The following PRKD3 variants were observed in gnomAD, a reference collection of about 807,000 sequenced individuals.
PRKD3 encodes the protein serine/threonine-protein kinase D3.
In PRKD3, 47 loss-of-function variants were observed where a neutral mutation model predicts 99.2. That is an observed-to-expected ratio of 0.47 (90% CI 0.38 to 0.60). The LOEUF (loss-of-function observed/expected upper bound fraction) is 0.60, where lower values mean the gene tolerates loss of function less well. Among genes scored for constraint, PRKD3 ranks in the 20% least tolerant of loss-of-function variants. The pLI is 0.00. For synonymous variants in PRKD3, 392 were observed against 355.4 expected (o/e 1.10, Z -1.16); for missense variants, 1,019 against 1,088.4 (o/e 0.94, Z 0.90).
At chr2:37,286,029 T>G (rs1022353116) in intron 6 of PRKD3, 148 bp downstream of exon 6, 2 of 744,122 alleles carry the variant, frequency 2.7e-6, no homozygotes, top group Non-Finnish European at 2.1e-6. Flanking sequence ...CACACACATT[T>G]ATATTTTGTT....
intron 11 of PRKD3, among the ~76,000 whole-genome samples, chr2:37,274,071 T>C (rs1669438652): frequency 6.6e-6 from 1 of 152,220 alleles, no homozygotes; most frequent in East Asian, 1.9e-4. Context: ...TGCCAAGCAC[T>C]GTTCTGTATC....
chr2:37,302,187 C>T (rs909395849), intron 2 of PRKD3, among the ~76,000 whole-genome samples: 1 of 152,206 alleles, frequency 6.6e-6, no homozygotes, highest in Non-Finnish European at 1.5e-5. Context: ...ACTAATGATA[C>T]AGCATGGTAG....
intron 2 of PRKD3, among the ~76,000 whole-genome samples, chr2:37,294,441 ATGAT>A (rs1386345748): frequency 2.0e-5 from 3 of 152,318 alleles, no homozygotes; most frequent in African/African-American, 7.2e-5. Flanking sequence ...ATTAAAAACA[ATGAT>A]TAATTAGAAA....
At chr2:37,256,462 G>T (rs538867757) in intron 17 of PRKD3, among the ~76,000 whole-genome samples, 200 bp downstream of exon 17, 1 of 152,020 alleles carries the variant, frequency 6.6e-6, no homozygotes, top group Admixed American at 6.5e-5. Flanking sequence ...CTATGCCTGG[G>T]AACTATACAG....
intron 16 of PRKD3, 42 bp downstream of exon 16, chr2:37,259,541 A>G: frequency 2.7e-6 from 4 of 1,470,658 alleles, no homozygotes; most frequent in Non-Finnish European, 3.8e-6. Flanking sequence ...TGCTTTGAAA[A>G]TGTTGCCAGA....
chr2:37,256,997 A>G (rs1668005089), intron 16 of PRKD3, 68 bp from the exon 17 acceptor site: 8 of 1,493,646 alleles, frequency 5.4e-6, no homozygotes, highest in Admixed American at 5.1e-5. Context: ...GTCCCTAAAT[A>G]TAACACTGTA....
chr2:37,269,423 A>C (rs982631595), intron 13 of PRKD3, 192 bp downstream of exon 13: 2 of 575,032 alleles, frequency 3.5e-6, no homozygotes, highest in Non-Finnish European at 6.2e-6. Flanking sequence ...GTTAATTTTT[A>C]AAGTTTGCAA....
chr2:37,260,390 G>A lies in PRKD3; in HGVS notation c.1885-6C>T. The A allele has an allele frequency of 1.2e-6, 2 of 1,607,752 alleles. No individual in the cohort carries two copies. Among genetic ancestry groups the A allele is most frequent in the Non-Finnish European group, 1.7e-6 (2 of 1,174,380 alleles). On this transcript the variant is annotated splice_polypyrimidine_tract_variant and splice_region_variant and intron_variant, in intron 14 of 18. Coordinates refer to ENST00000234179, the MANE Select transcript of PRKD3 (RefSeq NM_005813.6). ...ATCCCAGGATGGTGCAAATTCTGAA[G>A]AGAGGTTGCAAGATACATGAGCAAC...
rs368159679 is a variant in PRKD3 at position 37,269,698 on chromosome 2, A to G, written c.1705-11T>C. On this transcript the variant is annotated splice_polypyrimidine_tract_variant and intron_variant, in intron 12 of 18. Transcript: ENST00000234179. ...AACAGTACTGATATCCTGGTAGGAT[A>G]AAGTAAGGAGTTAGTATTATTTATT... The G allele has an allele frequency of 2.5e-5, 39 of 1,584,208 alleles. No homozygotes were observed. Among genetic ancestry groups the G allele is most frequent in the Non-Finnish European group, 3.0e-5 (35 of 1,154,934 alleles).
chr2:37,274,650 G>C lies in PRKD3; in HGVS notation c.1422C>G (p.Phe474Leu), dbSNP rs1278204783. 3.7e-6 allele frequency: 6 copies of C among 1,614,022 alleles called. No individual in the cohort carries two copies. Among genetic ancestry groups the C allele is most frequent in the Non-Finnish European group, 5.1e-6 (6 of 1,179,930 alleles). Reference sequence around the variant, plus strand: ...GATTGCTGCCTTGTGAAATGTTTGTGAAATCTCGTGGTGAAGATATGCGGA... The same window carrying C: ...GATTGCTGCCTTGTGAAATGTTTGTCAAATCTCGTGGTGAAGATATGCGGA... ...EILRISSPRD[F>L]TNISQGSNPH... Residue 474 changes from phenylalanine to leucine, a missense_variant, in exon 11 of 19, where the codon TTC (phenylalanine) becomes TTG (leucine). By Grantham distance (22) the Phe-to-Leu change is conservative (BLOSUM62 0). Coordinates refer to ENST00000234179, the MANE Select transcript of PRKD3 (RefSeq NM_005813.6).
intron 2 of PRKD3, among the ~76,000 whole-genome samples, chr2:37,294,203 C>G (rs1045775252): frequency 1.1e-4 from 16 of 152,110 alleles, no homozygotes; most frequent in African/African-American, 3.6e-4. Flanking sequence ...GCTCGTGATC[C>G]TCCCACCTCA....
intron 2 of PRKD3, among the ~76,000 whole-genome samples, chr2:37,303,531 G>C (rs752540265): frequency 6.6e-6 from 1 of 151,922 alleles, no homozygotes; most frequent in Non-Finnish European, 1.5e-5. Flanking sequence ...GGGGCCCTTA[G>C]GTTGAAGGGC....
intron 2 of PRKD3, among the ~76,000 whole-genome samples, chr2:37,307,145 C>G (rs1250098001): frequency 1.3e-5 from 2 of 152,168 alleles, no homozygotes; most frequent in Non-Finnish European, 2.9e-5. Flanking sequence ...AAAAACGTCT[C>G]CAGACATTGC....
chr2:37,320,423 CTTTTTTTTTTTTTT>C (rs35158902), intron 1 of PRKD3, among the ~76,000 whole-genome samples: 3 of 78,162 alleles, frequency 3.8e-5, no homozygotes, highest in South Asian at 5.1e-4. Context: ...AAGTTAACGA[CTTTTTTTTTTTTTT>C]TTTTTTTTTT....
rs559274581 is a variant in PRKD3 at position 37,285,138 on chromosome 2, A to G, written c.910+1039T>C. Among the ~76,000 whole-genome samples the G allele has an allele frequency of 3.9e-5, 6 of 152,322 alleles. No individual in the cohort carries two copies. The East Asian group carries it at 7.7e-4, about 20-fold the overall frequency. The stretch of plus-strand genomic sequence containing the variant: ...ACTGCTAATTACATGAAAAAAGTAT[A>G]TAAGATTATAGTTAGACTACTTATA... On this transcript the variant is annotated intron_variant, in intron 6 of 18. Transcript: ENST00000234179.
At chr2:37,297,585 T>C (rs1321340478) in intron 2 of PRKD3, among the ~76,000 whole-genome samples, 1 of 152,202 alleles carries the variant, frequency 6.6e-6, no homozygotes, top group Admixed American at 6.5e-5. Context: ...CACATCACCT[T>C]TAACTGTTAT....
intron 1 of PRKD3, chr2:37,324,096 C>T (rs1198199827): frequency 1.2e-6 from 1 of 868,114 alleles, no homozygotes; most frequent in South Asian, 5.3e-5. Flanking sequence ...AGGAAAACCT[C>T]CCAGGAGGGA....
intron 2 of PRKD3, among the ~76,000 whole-genome samples, chr2:37,296,928 G>A (rs546892107): frequency 5.5e-4 from 79 of 144,208 alleles, no homozygotes; most frequent in Non-Finnish European, 9.4e-4. Flanking sequence ...AAAAAATTAT[G>A]TAAGAGTCTA....
intron 9 of PRKD3, 79 bp from the exon 10 acceptor site, chr2:37,275,923 T>G: frequency 6.8e-7 from 1 of 1,478,916 alleles, no homozygotes; most frequent in Non-Finnish European, 9.0e-7. Context: ...TTCCCTTCAT[T>G]TACATTCATA....
Sources: gnomAD v4.1 joint callset for allele counts (sites outside exome capture counted in the v4.1 genomes callset) on GRCh38, gnomAD v4.1.1 for gene constraint, MANE v1.5 for transcripts, NCBI Gene and HGNC (gene_info 2026-07-23, HGNC 2026-07-21) for gene names.